Variants in PRKN observed in about 807,000 individuals in gnomAD.
PRKN encodes the protein E3 ubiquitin-protein ligase parkin.
PRKN carries 56 observed loss-of-function variants against 59.5 expected under a neutral mutation model. The observed-to-expected ratio is 0.94, with a 90% CI of 0.76 to 1.18. PRKN has a LOEUF of 1.18. Ranked by LOEUF, PRKN falls within the 50% of genes most tolerant of loss-of-function variation. PRKN has a pLI of 0.00. For synonymous variants in PRKN, 250 were observed against 222.1 expected (o/e 1.13, Z -1.12); for missense variants, 657 against 596.4 (o/e 1.10, Z -1.06).
intron 6 of PRKN, among the ~76,000 whole-genome samples, chr6:161,792,692 CAATAGTAACACAG>C (rs1291948238): frequency 6.6e-6 from 1 of 152,146 alleles, no homozygotes; most frequent in Admixed American, 6.5e-5. Context: ...TTAGTTTGTG[CAATAGTAACACAG>C]AAGTCATGCC....
chr6:161,908,323 T>A (rs1778227899), intron 6 of PRKN, among the ~76,000 whole-genome samples: 1 of 152,164 alleles, frequency 6.6e-6, no homozygotes, highest in Admixed American at 6.5e-5. Flanking sequence ...GGGCATCTTG[T>A]TTATACAAGC....
At chr6:161,734,523 A>C (rs530340095) in intron 7 of PRKN, among the ~76,000 whole-genome samples, 2 of 152,244 alleles carry the variant, frequency 1.3e-5, no homozygotes, top group South Asian at 4.1e-4. Context: ...GGACCTTGGT[A>C]CTCAGGCCTG....
At chr6:161,636,574 A>G (rs1783529974) in intron 7 of PRKN, among the ~76,000 whole-genome samples, 1 of 152,154 alleles carries the variant, frequency 6.6e-6, no homozygotes, top group Non-Finnish European at 1.5e-5. Context: ...ATTTGCAACG[A>G]AAGAGCCACT....
chr6:161,681,472 ATTGTCT>A (rs1785361284), intron 7 of PRKN, among the ~76,000 whole-genome samples: 1 of 147,616 alleles, frequency 6.8e-6, no homozygotes, highest in South Asian at 2.1e-4. Flanking sequence ...TTTTCTCCTG[ATTGTCT>A]TTGGAAGTAT....
At chr6:162,645,944 A>G (rs1450592988) in intron 1 of PRKN, among the ~76,000 whole-genome samples, 7 of 140,934 alleles carry the variant, frequency 5.0e-5, no homozygotes, top group Non-Finnish European at 1.0e-4. Flanking sequence ...GCAAGATCTC[A>G]GCTCACTGCA....
At chr6:161,872,637 T>C (rs1794388714) in intron 6 of PRKN, among the ~76,000 whole-genome samples, 2 of 152,092 alleles carry the variant, frequency 1.3e-5, no homozygotes, top group Admixed American at 1.3e-4. Flanking sequence ...GTCCCTCATA[T>C]TAAAGCCATC....
intron 1 of PRKN, among the ~76,000 whole-genome samples, chr6:162,605,331 A>T (rs1583892406): frequency 6.6e-6 from 1 of 152,160 alleles, no homozygotes; most frequent in South Asian, 2.1e-4. Context: ...CCAAGAGAAA[A>T]TTTATTCAAA....
intron 1 of PRKN, among the ~76,000 whole-genome samples, chr6:162,476,821 C>A (rs183858135): frequency 1.2e-3 from 179 of 152,290 alleles, no homozygotes; most frequent in African/African-American, 4.1e-3. Flanking sequence ...GAAGCCTGAA[C>A]ACCTAGAGTT....
intron 6 of PRKN, among the ~76,000 whole-genome samples, chr6:161,892,929 G>C (rs1224937239): frequency 1.3e-5 from 2 of 152,174 alleles, no homozygotes; most frequent in Non-Finnish European, 2.9e-5. Flanking sequence ...TGCAACCTCT[G>C]CCACCCAGGT....
chr6:162,298,703 C>T (rs1781802624), intron 2 of PRKN, among the ~76,000 whole-genome samples: 1 of 135,964 alleles, frequency 7.4e-6, no homozygotes, highest in Non-Finnish European at 1.5e-5. Context: ...TTGATGAAAG[C>T]AGCAATCTTG....
At chr6:162,648,937 T>C (rs1778307170) in intron 1 of PRKN, among the ~76,000 whole-genome samples, 3 of 152,176 alleles carry the variant, frequency 2.0e-5, no homozygotes, top group African/African-American at 7.2e-5. Flanking sequence ...GGTCCTCATC[T>C]AATCAGTTGA....
chr6:161,610,377 G>A (rs1782443619), intron 7 of PRKN, among the ~76,000 whole-genome samples: 1 of 151,828 alleles, frequency 6.6e-6, no homozygotes, highest in Admixed American at 6.6e-5. Context: ...AAAATTACGG[G>A]CAAAACAGAA....
At chr6:162,479,757 G>GTTTTC (rs1792201089) in intron 1 of PRKN, among the ~76,000 whole-genome samples, 2 of 148,554 alleles carry the variant, frequency 1.3e-5, no homozygotes, top group African/African-American at 4.9e-5. Flanking sequence ...ACAGTTATCT[G>GTTTTC]TTTTTTTTTC....
At chr6:162,266,019 T>C in intron 2 of PRKN, among the ~76,000 whole-genome samples, 1 of 152,220 alleles carries the variant, frequency 6.6e-6, no homozygotes, top group East Asian at 1.9e-4. Flanking sequence ...CCTAAGTCGT[T>C]TCAGAGAAAT....
chr6:162,189,744 T>C (rs1177731724), intron 4 of PRKN, among the ~76,000 whole-genome samples: 3 of 151,960 alleles, frequency 2.0e-5, no homozygotes, highest in East Asian at 2.0e-4. Flanking sequence ...CATTGAACAA[T>C]AGACATATTA....
chr6:161,888,039 T>C (rs1271502741), intron 6 of PRKN, among the ~76,000 whole-genome samples: 1 of 152,300 alleles, frequency 6.6e-6, no homozygotes, highest in African/African-American at 2.4e-5. Context: ...AAATAAAATG[T>C]CTTAGTTTTG....
chr6:162,232,513 G>A (rs1386355060), intron 3 of PRKN, among the ~76,000 whole-genome samples: 1 of 152,264 alleles, frequency 6.6e-6, no homozygotes, highest in South Asian at 2.1e-4. Flanking sequence ...CAGAAGTGGT[G>A]GATTAATTGC....
intron 6 of PRKN, among the ~76,000 whole-genome samples, chr6:161,927,145 A>G (rs1030115009): frequency 1.5e-4 from 23 of 152,070 alleles, no homozygotes; most frequent in African/African-American, 5.6e-4. Flanking sequence ...TAGTTTGCCA[A>G]TGATAGTTTG....
chr6:161,821,423 C>A (rs965458700), intron 6 of PRKN, among the ~76,000 whole-genome samples: 1 of 148,944 alleles, frequency 6.7e-6, no homozygotes, highest in African/African-American at 2.4e-5. Flanking sequence ...ATGTGTTTAA[C>A]CCATCCCAAT....
Sources: allele counts gnomAD v4.1 joint callset (sites outside exome capture counted in the v4.1 genomes callset), GRCh38; gene constraint gnomAD v4.1.1; transcripts MANE v1.5; gene names NCBI Gene and HGNC (gene_info 2026-07-23, HGNC 2026-07-21).